Variants in ARB2A observed in about 807,000 individuals in gnomAD.
ARB2A encodes cotranscriptional regulator ARB2A.
At chr5:93,857,806 C>T in the ARB2A span, among the ~76,000 whole-genome samples, 7 of 152,204 alleles carry the variant, frequency 4.6e-5, no homozygotes, top group African/African-American at 7.2e-5. Context: ...CCTGCGCCCA[C>T]GGTCTGGCAC....
chr5:93,927,654 G>C, the ARB2A span, among the ~76,000 whole-genome samples: 1 of 152,064 alleles, frequency 6.6e-6, no homozygotes, highest in African/African-American at 2.4e-5. Flanking sequence ...TCTGACTCTT[G>C]TTCTCTCAAT....
chr5:93,668,173 G>T, the ARB2A span, among the ~76,000 whole-genome samples: 1 of 152,126 alleles, frequency 6.6e-6, no homozygotes, highest in Non-Finnish European at 1.5e-5. Flanking sequence ...GCCTGATCTC[G>T]GCTCACTGCA....
chr5:93,692,430 A>T, the ARB2A span, among the ~76,000 whole-genome samples: 4 of 152,254 alleles, frequency 2.6e-5, no homozygotes, highest in Admixed American at 2.6e-4. Context: ...TTAAACCAAC[A>T]AAGATCAAAA....
chr5:93,670,267 A>T, the ARB2A span, among the ~76,000 whole-genome samples: 1 of 152,192 alleles, frequency 6.6e-6, no homozygotes, highest in Non-Finnish European at 1.5e-5. Flanking sequence ...AATAGATATG[A>T]TCACTATCCA....
At chr5:93,790,769 A>G in the ARB2A span, among the ~76,000 whole-genome samples, 4,316 of 152,296 alleles carry the variant, frequency 0.028, 192 homozygotes, top group African/African-American at 0.099. Flanking sequence ...TTAAAAAAAA[A>G]GATAATCACA....
the ARB2A span, among the ~76,000 whole-genome samples, chr5:93,814,292 C>A: frequency 2.6e-5 from 4 of 152,006 alleles, no homozygotes. Flanking sequence ...GGCATAAACC[C>A]ATGAAAATAA....
chr5:94,021,574 T>G, the ARB2A span, among the ~76,000 whole-genome samples: 2 of 152,226 alleles, frequency 1.3e-5, no homozygotes, highest in South Asian at 2.1e-4. Context: ...CTCTGAAGTT[T>G]GTGTGTATTC....
the ARB2A span, among the ~76,000 whole-genome samples, chr5:94,012,329 G>A: frequency 6.6e-6 from 1 of 152,236 alleles, no homozygotes; most frequent in Non-Finnish European, 1.5e-5. Flanking sequence ...GTGAACCCGG[G>A]AGGCGGGGCT....
At chr5:93,975,282 A>C in the ARB2A span, among the ~76,000 whole-genome samples, 1 of 147,228 alleles carries the variant, frequency 6.8e-6, no homozygotes, top group Non-Finnish European at 1.5e-5. Flanking sequence ...ATGCCACTGC[A>C]CTCCAGCCTG....
chr5:93,681,161 C>T, the ARB2A span, among the ~76,000 whole-genome samples: 1 of 151,908 alleles, frequency 6.6e-6, no homozygotes, highest in East Asian at 1.9e-4. Flanking sequence ...GCTTTTATTA[C>T]TATTTTGAGC....
chr5:93,654,562 C>T, the ARB2A span, among the ~76,000 whole-genome samples: 1 of 152,014 alleles, frequency 6.6e-6, no homozygotes, highest in East Asian at 1.9e-4. Context: ...TGATATTCCC[C>T]CATTCCTTTT....
At chr5:93,627,731 T>A in the ARB2A span, among the ~76,000 whole-genome samples, 1 of 152,176 alleles carries the variant, frequency 6.6e-6, no homozygotes. Flanking sequence ...TGAGCCACCA[T>A]GCCCAGCCAC....
the ARB2A span, among the ~76,000 whole-genome samples, chr5:93,880,211 T>C: frequency 6.6e-6 from 1 of 151,816 alleles, no homozygotes; most frequent in Non-Finnish European, 1.5e-5. Flanking sequence ...GCTTTGAGAA[T>C]TCCTTGTCAG....
the ARB2A span, among the ~76,000 whole-genome samples, chr5:93,870,498 CA>C: frequency 1.3e-5 from 2 of 152,288 alleles, no homozygotes; most frequent in African/African-American, 4.8e-5. Context: ...AGGCAAAAAC[CA>C]GTGTTTTTAG....
At chr5:93,938,657 C>T in the ARB2A span, among the ~76,000 whole-genome samples, 10 of 152,134 alleles carry the variant, frequency 6.6e-5, no homozygotes, top group Non-Finnish European at 4.4e-5. Flanking sequence ...TTTCACCGTA[C>T]AGTGCCACAG....
chr5:94,083,787 C>A, the ARB2A span, among the ~76,000 whole-genome samples: 1 of 149,542 alleles, frequency 6.7e-6, no homozygotes, highest in Admixed American at 6.7e-5. Context: ...ATATAACTAT[C>A]TAAAACAACA....
the ARB2A span, among the ~76,000 whole-genome samples, chr5:94,034,155 T>C: frequency 5.3e-5 from 8 of 152,318 alleles, no homozygotes; most frequent in African/African-American, 1.9e-4. Flanking sequence ...TCTTTATAAA[T>C]TACCTAGTCT....
chr5:93,805,395 G>A, the ARB2A span: 1 of 985,054 alleles, frequency 1.0e-6, no homozygotes, highest in Admixed American at 6.2e-5. Flanking sequence ...GTACCTCACA[G>A]CAAAACCCCC....
At chr5:93,973,078 A>T in the ARB2A span, among the ~76,000 whole-genome samples, 1 of 145,964 alleles carries the variant, frequency 6.9e-6, no homozygotes, top group Non-Finnish European at 1.5e-5. Flanking sequence ...CCACTGAAGC[A>T]GCTGGGACTA....
Sources: allele counts gnomAD v4.1 joint callset (sites outside exome capture counted in the v4.1 genomes callset), GRCh38; gene constraint gnomAD v4.1.1; transcripts MANE v1.5; gene names NCBI Gene and HGNC (gene_info 2026-07-23, HGNC 2026-07-21).